LHFPL3: variants seen among roughly 807,000 people sequenced by gnomAD.
LHFPL3 encodes LHFPL tetraspan subfamily member 3.
LHFPL3 carries 5 observed loss-of-function variants against 19.3 expected under a neutral mutation model. The observed-to-expected ratio is 0.26, with a 90% confidence interval of 0.14 to 0.54. The LOEUF (loss-of-function observed/expected upper bound fraction) is 0.54. Ranked by LOEUF, LHFPL3 falls within the 20% of genes least tolerant of loss-of-function variation. The pLI, the probability that LHFPL3 is intolerant of heterozygous loss-of-function variation, is 0.94. For missense variants in LHFPL3, 249 were observed against 307.4 expected (o/e 0.81, Z 1.42); for synonymous variants, 133 against 126.2 (o/e 1.05, Z -0.36).
chr7:104,792,457 AC>A (rs1315981334), intron 2 of LHFPL3, among the ~76,000 whole-genome samples: 3 of 152,126 alleles, frequency 2.0e-5, no homozygotes, highest in African/African-American at 7.2e-5. Context: ...ATTTTAGTTC[AC>A]CTTGACATGG....
chr7:104,827,252 C>T (rs1379565932), intron 2 of LHFPL3, among the ~76,000 whole-genome samples: 11 of 152,020 alleles, frequency 7.2e-5, no homozygotes, highest in Admixed American at 7.2e-4. Context: ...AAGGCAAGCT[C>T]CTGTTTTATA....
Position 104,401,105 on chromosome 7 carries a change from C to G in LHFPL3, c.445+71881C>G, listed in dbSNP as rs58794243. On this transcript the variant is annotated intron_variant, in intron 1 of 2. Coordinates refer to ENST00000424859, the MANE Select transcript of LHFPL3 (RefSeq NM_199000.3). Reference sequence around the variant, plus strand: ...GGGGGTGGCTCTTGGGTCACCTTACCTCTCCCTCAGTTCCCTATTTTGTAA... The same window carrying G: ...GGGGGTGGCTCTTGGGTCACCTTACGTCTCCCTCAGTTCCCTATTTTGTAA... Among the ~76,000 whole-genome samples the G allele has an allele frequency of 7.8e-3, 1,194 of 152,270 alleles. 78 individuals are homozygous for G. In the East Asian group the frequency reaches 0.16, roughly 20 times the overall value.
intron 1 of LHFPL3, among the ~76,000 whole-genome samples, chr7:104,652,352 C>T (rs538254795): frequency 6.6e-6 from 1 of 152,284 alleles, no homozygotes; most frequent in South Asian, 2.1e-4. Flanking sequence ...GAAGTAGGAG[C>T]AGAACTAGCT....
At chr7:104,356,858 G>T (rs1172699647) in intron 1 of LHFPL3, among the ~76,000 whole-genome samples, 1 of 152,194 alleles carries the variant, frequency 6.6e-6, no homozygotes, top group Non-Finnish European at 1.5e-5. Context: ...ACTGGTACTG[G>T]TCATGGCTTG....
chr7:104,644,258 T>C (rs1791888359), intron 1 of LHFPL3, among the ~76,000 whole-genome samples: 1 of 152,190 alleles, frequency 6.6e-6, no homozygotes, highest in African/African-American at 2.4e-5. Context: ...CCCATGGCTA[T>C]AGGTGCAAAA....
intron 1 of LHFPL3, among the ~76,000 whole-genome samples, chr7:104,613,991 G>C (rs961593479): frequency 5.3e-5 from 8 of 152,146 alleles, no homozygotes; most frequent in African/African-American, 1.9e-4. Flanking sequence ...GATAGGGGCA[G>C]TGTCTTTTCT....
At chr7:104,636,480 G>A (rs1791730776) in intron 1 of LHFPL3, among the ~76,000 whole-genome samples, 1 of 152,056 alleles carries the variant, frequency 6.6e-6, no homozygotes, top group Non-Finnish European at 1.5e-5. Context: ...CATCATCCAG[G>A]TACTAAGCAT....
intron 1 of LHFPL3, among the ~76,000 whole-genome samples, chr7:104,329,576 T>C (rs1801532601): frequency 6.6e-6 from 1 of 152,182 alleles, no homozygotes; most frequent in Admixed American, 6.5e-5. Flanking sequence ...GGTTCCGTGC[T>C]GAGGGACTAA....
At chr7:104,351,724 G>A (rs186950149) in intron 1 of LHFPL3, among the ~76,000 whole-genome samples, 46 of 152,284 alleles carry the variant, frequency 3.0e-4, no homozygotes, top group Middle Eastern at 3.4e-3. Flanking sequence ...TTTCAAGGTG[G>A]CAACACATTG....
At chr7:104,400,581 A>G (rs1215271683) in intron 1 of LHFPL3, among the ~76,000 whole-genome samples, 5 of 152,154 alleles carry the variant, frequency 3.3e-5, no homozygotes, top group East Asian at 3.8e-4. Context: ...CCAGTTTTCT[A>G]TTACCTGTCA....
intron 1 of LHFPL3, among the ~76,000 whole-genome samples, chr7:104,367,950 C>T (rs1263779597): frequency 6.6e-6 from 1 of 152,200 alleles, no homozygotes; most frequent in Non-Finnish European, 1.5e-5. Flanking sequence ...GAACTTTAAG[C>T]CTTTAAAGCC....
chr7:104,628,461 A>AT (rs982536316), intron 1 of LHFPL3, among the ~76,000 whole-genome samples: 7 of 152,162 alleles, frequency 4.6e-5, no homozygotes, highest in East Asian at 1.9e-4. Context: ...ATGCTCAGTG[A>AT]TTTTTTTTAT....
At chr7:104,720,630 G>T (rs1212892568) in intron 1 of LHFPL3, among the ~76,000 whole-genome samples, 1 of 152,050 alleles carries the variant, frequency 6.6e-6, no homozygotes, top group East Asian at 1.9e-4. Flanking sequence ...GAAAAATTTT[G>T]CAATCTACTC....
At chr7:104,632,732 A>C (rs1791665599) in intron 1 of LHFPL3, among the ~76,000 whole-genome samples, 1 of 152,184 alleles carries the variant, frequency 6.6e-6, no homozygotes, top group Non-Finnish European at 1.5e-5. Context: ...TTGCAGCTTC[A>C]ACTTCCCAAG....
chr7:104,430,383 C>CATGTGTAT, intron 1 of LHFPL3, among the ~76,000 whole-genome samples: 1 of 39,702 alleles, frequency 2.5e-5, no homozygotes, highest in Non-Finnish European at 4.0e-5. Flanking sequence ...TATATATATA[C>CATGTGTAT]ATATATATAT....
At chr7:104,512,037 C>T (rs1327802667) in intron 1 of LHFPL3, among the ~76,000 whole-genome samples, 2 of 150,380 alleles carry the variant, frequency 1.3e-5, no homozygotes, top group African/African-American at 4.9e-5. Context: ...TCACTGCAAC[C>T]TCCACCTCCC....
chr7:104,691,541 C>G (rs1792905988), intron 1 of LHFPL3, among the ~76,000 whole-genome samples: 1 of 152,254 alleles, frequency 6.6e-6, no homozygotes, highest in African/African-American at 2.4e-5. Context: ...AAGCAGTGCA[C>G]CTGCTGTGCA....
intron 1 of LHFPL3, among the ~76,000 whole-genome samples, chr7:104,709,822 G>A (rs12537628): frequency 0.38 from 49,007 of 129,260 alleles, 8,197 homozygotes; most frequent in East Asian, 0.64. Flanking sequence ...GCGAAGAGGC[G>A]TTCCTCACTT....
intron 1 of LHFPL3, among the ~76,000 whole-genome samples, chr7:104,655,863 CA>C (rs1792111638): frequency 6.6e-6 from 1 of 152,126 alleles, no homozygotes; most frequent in Non-Finnish European, 1.5e-5. Flanking sequence ...GCTGCATTGA[CA>C]AAGGTTAGAA....
Sources: allele counts gnomAD v4.1 joint callset (sites outside exome capture counted in the v4.1 genomes callset), GRCh38; gene constraint gnomAD v4.1.1; transcripts MANE v1.5; gene names NCBI Gene and HGNC (gene_info 2026-07-23, HGNC 2026-07-21).